Variants in CBX6 observed in about 807,000 individuals in gnomAD.
CBX6 encodes the protein chromobox 6, also known as chromobox protein homolog 6.
Under a neutral mutation model 28.4 loss-of-function variants are expected in CBX6, and 7 were observed. The ratio of observed to expected loss-of-function variants is 0.25; its 90% CI spans 0.14 to 0.46. The LOEUF is 0.46. Ranked by LOEUF, CBX6 falls within the 20% of genes least tolerant of loss-of-function variation. CBX6 has a pLI of 0.99. For synonymous variants in CBX6, 297 were observed against 273.4 expected (o/e 1.09, Z -0.85); for missense variants, 512 against 606.1 (o/e 0.84, Z 1.63).
chr22:38,866,308 G>T lies in CBX6; in HGVS notation c.1140C>A (p.Val380=), dbSNP rs1181284431. The part of the protein sequence containing the change: ...VTDVTSNLLT[V]TIKEFCNPED... ...CAGGGTTGCAGAATTCCTTGATTGTGACCGTCAGGAGGTTGCTGGTGACAT... is the reference window on the plus strand; with the variant it reads ...CAGGGTTGCAGAATTCCTTGATTGTTACCGTCAGGAGGTTGCTGGTGACAT... The change falls in exon 5 of 5, where the codon GTC becomes GTA. Residue 380 remains valine (V), a synonymous_variant. Transcript: ENST00000407418. This position sits in a 1 kb window ranked among gnomAD's most constrained non-coding sequence, Gnocchi z 7.5. 2.5e-6 allele frequency: 4 copies of T among 1,613,902 alleles called. No homozygotes were observed. The highest frequency in any genetic ancestry group is 8.5e-7 in the Non-Finnish European group (1 of 1,180,000).
At position 38,867,226 on chromosome 22, in the gene CBX6, G is replaced by GT; in HGVS notation, c.247-26_247-25insA. ...CCTGCGGGCAGAGGGAGGGGTGGGT[G>GT]GGACCTCAGGACTGCCCGCTGACCT... On this transcript the variant is annotated intron_variant, in intron 4 of 4. Transcript: ENST00000407418. 4.0e-6 allele frequency: 6 copies of GT among 1,504,554 alleles called. No homozygotes were observed. The East Asian group carries it at 9.9e-5, about 25-fold the overall frequency. The allele number at this position is 1,504,554 out of a possible 1,614,324, so 93.2% of individuals were successfully genotyped here. A position where few individuals can be genotyped will look rare whatever the true frequency, so the allele number is the denominator to read the frequency against.
In CBX6 at chr22:38,872,043, C is replaced by A. The variant is rs1426451155; in HGVS notation, c.69+79G>T. On this transcript the variant is annotated intron_variant, in intron 1 of 4. Transcript: ENST00000407418. This position sits in a 1 kb window ranked among gnomAD's most constrained non-coding sequence, Gnocchi z 5.0. ...GGGCTGGGCGAGGGAGCCGGGCTAGCGGGACCGCTTCGCCCCGAGGGCCCC... is the reference window on the plus strand; with the variant it reads ...GGGCTGGGCGAGGGAGCCGGGCTAGAGGGACCGCTTCGCCCCGAGGGCCCC... 1.2e-4 allele frequency: 160 copies of A among 1,337,592 alleles called. No homozygotes were observed. The highest frequency in any genetic ancestry group is 1.9e-4 in the Admixed American group (5 of 26,320). 82.9% of individuals were successfully genotyped at this position (1,337,592 alleles called of 1,614,324 possible).
Position 38,866,685 on chromosome 22 carries a change from GGGCTGA to G in CBX6, c.757_762del (p.Ser253_Ala254del). 6.4e-7 allele frequency: 1 copy of G among 1,557,042 alleles called. No individual in the cohort carries two copies. The highest frequency in any genetic ancestry group is 8.7e-7 in the Non-Finnish European group (1 of 1,154,200). ...GCGGCCAGAAGTAGCCCAGGGCCCG[GGGCTGA>G]GGCCTCAGCCTTGCCGGGGGACGGG... On this transcript the variant is annotated inframe_deletion, in exon 5 of 5. Coordinates refer to ENST00000407418, the MANE Select transcript of CBX6 (RefSeq NM_014292.5). The surrounding 1 kb of genome is among the most constrained non-coding windows in gnomAD (Gnocchi z 7.5).
Position 38,872,145 on chromosome 22 carries a change from T to C in CBX6, c.46A>G (p.Ile16Val). The C allele has an allele frequency of 7.0e-7, 1 of 1,427,116 alleles. No homozygotes were observed. The highest frequency in any genetic ancestry group is 1.5e-5 in the African/African-American group (1 of 66,370). The allele number at this position is 1,427,116 out of a possible 1,614,324, so 88.4% of individuals were successfully genotyped here. A position where few individuals can be genotyped will look rare whatever the true frequency, so the allele number is the denominator to read the frequency against. ...VGERVFAAESIIKRRIRKGRI... is the reference protein window; with the variant it reads ...VGERVFAAESVIKRRIRKGRI... ...ACCTTTCGGATCCGCCGTTTGATGATGGATTCGGCCGCGAAGACCCGCTCG... is the reference window on the plus strand; with the variant it reads ...ACCTTTCGGATCCGCCGTTTGATGACGGATTCGGCCGCGAAGACCCGCTCG... Residue 16 changes from isoleucine to valine, a missense_variant, in exon 1 of 5, where the codon ATC becomes GTC. Around this residue, in one of 7 missense-constraint regions of CBX6, gnomAD observed 27 missense variants for 30.9 expected, o/e 0.87. Transcript: ENST00000407418. The surrounding 1 kb of genome is among the most constrained non-coding windows in gnomAD (Gnocchi z 5.0).
intron 4 of CBX6, among the ~76,000 whole-genome samples, chr22:38,867,425 C>T (rs1392084371): frequency 6.6e-6 from 1 of 152,216 alleles, no homozygotes; most frequent in Non-Finnish European, 1.5e-5. Context: ...CACCCTTGTC[C>T]AGGCCCAATT....
rs1192951374 is a variant in CBX6, at chr22:38,872,015, G to A, written c.70-70C>T. ...TGCGGGGACGCGAGGAGGCGGCGGC[G>A]CGGGGCTGGGCGAGGGAGCCGGGCT... On this transcript the variant is annotated intron_variant, in intron 1 of 4. Coordinates refer to ENST00000407418, the MANE Select transcript of CBX6 (RefSeq NM_014292.5). The surrounding 1 kb of genome is among the most constrained non-coding windows in gnomAD (Gnocchi z 5.0). 1.4e-5 allele frequency: 19 copies of A among 1,396,174 alleles called. No individual in the cohort carries two copies. Among genetic ancestry groups the A allele is most frequent in the Non-Finnish European group, 1.8e-5 (19 of 1,059,414 alleles). 86.5% of individuals were successfully genotyped at this position (1,396,174 alleles called of 1,614,324 possible). A position where few individuals can be genotyped will look rare whatever the true frequency, so the allele number is the denominator to read the frequency against.
At position 38,871,994 on chromosome 22, in the gene CBX6, G is replaced by A. The variant is rs1439284532; in HGVS notation, c.70-49C>T. The A allele has an allele frequency of 6.9e-7, 1 of 1,443,294 alleles. No homozygotes were observed. The highest frequency in any genetic ancestry group is 9.2e-7 in the Non-Finnish European group (1 of 1,086,672). The allele number at this position is 1,443,294 out of a possible 1,614,324, so 89.4% of individuals were successfully genotyped here. ...CGGGGGTGGGGGTGGGGAGGATGCGGGGACGCGAGGAGGCGGCGGCGCGGG... is the reference window on the plus strand; with the variant it reads ...CGGGGGTGGGGGTGGGGAGGATGCGAGGACGCGAGGAGGCGGCGGCGCGGG... On this transcript the variant is annotated intron_variant, in intron 1 of 4. Coordinates refer to ENST00000407418, the MANE Select transcript of CBX6 (RefSeq NM_014292.5). This position sits in a 1 kb window ranked among gnomAD's most constrained non-coding sequence, Gnocchi z 5.6.
Position 38,871,600 on chromosome 22 carries a change from C to G in CBX6, c.180-54G>C. 1 of 1,611,866 alleles carries G rather than the reference C, an allele frequency of 6.2e-7. No individual in the cohort carries two copies. Among genetic ancestry groups the G allele is most frequent in the Non-Finnish European group, 8.5e-7 (1 of 1,178,368 alleles). On this transcript the variant is annotated intron_variant, in intron 3 of 4. Coordinates refer to ENST00000407418, the MANE Select transcript of CBX6 (RefSeq NM_014292.5). The surrounding 1 kb of genome is among the most constrained non-coding windows in gnomAD (Gnocchi z 5.6). ...AAGAGCCCCTTCCCGGGCCCCACTC[C>G]GCGCTGCCCTCCCCGGCTCTCCCGC...
chr22:38,866,384 G>C lies in CBX6; in HGVS notation c.1064C>G (p.Ala355Gly). ...TGACATCTCGGGGCGCCAGTCCCCA[G>C]CCTCGGGCTCGGAGGAGGCACCGGC... ...EPAGASSEPE[A>G]GDWRPEMSPC... The change falls in exon 5 of 5, where the codon GCT becomes GGT. Residue 355 changes from alanine to glycine, a missense_variant. By Grantham distance (60) the Ala-to-Gly change is moderately conservative. Transcript: ENST00000407418. The surrounding 1 kb of genome is among the most constrained non-coding windows in gnomAD (Gnocchi z 7.5). 2.5e-6 allele frequency: 4 copies of C among 1,613,506 alleles called. No individual in the cohort carries two copies. The highest frequency in any genetic ancestry group is 3.4e-6 in the Non-Finnish European group (4 of 1,179,936).
In CBX6 at chr22:38,870,446, C is replaced by A. The variant is rs7292074; in HGVS notation, c.246+1034G>T. The A allele has an allele frequency of 0.16, 24,856 of 152,310 alleles. 2,803 individuals are homozygous for A. The highest frequency in any genetic ancestry group is 0.58 in the East Asian group (2,982 of 5,166). 9.4% of individuals were successfully genotyped at this position (152,310 alleles called of 1,614,324 possible). A position where few individuals can be genotyped will look rare whatever the true frequency, so the allele number is the denominator to read the frequency against. ...CACTGAGAGGCTGTCACACAGCCCA[C>A]CAGCCTTCCAGCTGCTCCGCCCATC... is the stretch of plus-strand genomic sequence containing the variant. On this transcript the variant is annotated intron_variant, in intron 4 of 4. Transcript: ENST00000407418. This position sits in a 1 kb window ranked among gnomAD's most constrained non-coding sequence, Gnocchi z 4.3.
chr22:38,869,398 C>T (rs1199095956), intron 4 of CBX6, among the ~76,000 whole-genome samples: 2 of 152,126 alleles, frequency 1.3e-5, no homozygotes, highest in Non-Finnish European at 2.9e-5. Context: ...ACGGGCACTC[C>T]TATGATGATC....
In CBX6 at chr22:38,866,987, G is replaced by C; in HGVS notation, c.461C>G (p.Ser154Trp). The change falls in exon 5 of 5, where the codon TCG becomes TGG. Residue 154 changes from serine to tryptophan, a missense_variant. Ser to Trp is a radical substitution (Grantham distance 177). Coordinates refer to ENST00000407418, the MANE Select transcript of CBX6 (RefSeq NM_014292.5). The surrounding 1 kb of genome is among the most constrained non-coding windows in gnomAD (Gnocchi z 7.5). ...PGLRPPISPF[S>W]ETVRIINRKV... ...GCGGTTGATGATGCGCACCGTCTCC[G>C]AGAAGGGCGAAATGGGCGGGCGCAG... 1 of 1,608,526 alleles carries C rather than the reference G, an allele frequency of 6.2e-7. No homozygotes were observed. The highest frequency in any genetic ancestry group is 8.5e-7 in the Non-Finnish European group (1 of 1,178,408).
At chr22:38,869,853 G>A (rs1336869600) in intron 4 of CBX6, 1 of 152,130 alleles carries the variant, frequency 6.6e-6, no homozygotes, top group Non-Finnish European at 1.5e-5. Flanking sequence ...TATCTCATGG[G>A]CTCCTGTTTG....
rs1253353718 is a variant in CBX6, at chr22:38,861,564, A to C, written c.*4645T>G. On this transcript the variant is annotated 3_prime_UTR_variant, in exon 5 of 5. Coordinates refer to ENST00000407418, the MANE Select transcript of CBX6 (RefSeq NM_014292.5). ...TTGAAGAGCAGCAGAACAAACGTAC[A>C]AGACAGAGTAATCGGCACAGACCCA... The C allele has an allele frequency of 6.6e-6, 1 of 152,210 alleles. No homozygotes were observed. Among genetic ancestry groups the C allele is most frequent in the Non-Finnish European group, 1.5e-5 (1 of 68,038 alleles). 9.4% of individuals were successfully genotyped at this position (152,210 alleles called of 1,614,324 possible).
In CBX6 at chr22:38,866,107, A is replaced by T; in HGVS notation, c.*102T>A. On this transcript the variant is annotated 3_prime_UTR_variant, in exon 5 of 5. Transcript: ENST00000407418. The surrounding 1 kb of genome is among the most constrained non-coding windows in gnomAD (Gnocchi z 7.5). ...CAACACCGAGCCATTTGAGACAAGC[A>T]AAGCACAGGGAGAGAGGGCTGGGGG... 1.1e-6 allele frequency: 1 copy of T among 907,776 alleles called. No homozygotes were observed. The highest frequency in any genetic ancestry group is 1.6e-6 in the Non-Finnish European group (1 of 608,836). The allele number at this position is 907,776 out of a possible 1,614,324, so 56.2% of individuals were successfully genotyped here. A position where few individuals can be genotyped will look rare whatever the true frequency, so the allele number is the denominator to read the frequency against.
rs1336884946 is a variant in CBX6 at position 38,866,477 on chromosome 22, G to T, written c.971C>A (p.Thr324Asn). 1.9e-6 allele frequency: 3 copies of T among 1,600,674 alleles called. No individual in the cohort carries two copies. The highest frequency in any genetic ancestry group is 2.5e-6 in the Non-Finnish European group (3 of 1,177,192). ...DLSLPPESAA[T>N]SKRAPPEVTA... ...GACCTCAGGCGGTGCCCGCTTGCTGGTGGCTGCCGACTCGGGAGGGAGGGA... is the reference window on the plus strand; with the variant it reads ...GACCTCAGGCGGTGCCCGCTTGCTGTTGGCTGCCGACTCGGGAGGGAGGGA... The change falls in exon 5 of 5, where the codon ACC becomes AAC. Residue 324 changes from threonine (T) to asparagine (N), a missense_variant. Thr to Asn is a moderately conservative substitution (Grantham distance 65). Transcript: ENST00000407418. The surrounding 1 kb of genome is among the most constrained non-coding windows in gnomAD (Gnocchi z 7.5).
rs1385380028 is a variant in CBX6 at position 38,861,927 on chromosome 22, T to C, written c.*4282A>G. The C allele has an allele frequency of 6.6e-6, 1 of 152,266 alleles. No individual in the cohort carries two copies. Among genetic ancestry groups the C allele is most frequent in the Non-Finnish European group, 1.5e-5 (1 of 68,048 alleles). The allele number at this position is 152,266 out of a possible 1,614,324, so 9.4% of individuals were successfully genotyped here. ...TAGAATTCATTCGTGCACAATTCAT[T>C]AAATGAACGTCTCAAAAATTAAAAA... On this transcript the variant is annotated 3_prime_UTR_variant, in exon 5 of 5. Transcript: ENST00000407418.
rs1247992578 is a variant in CBX6 at position 38,864,851 on chromosome 22, C to A, written c.*1358G>T. 1 of 152,410 alleles carries A rather than the reference C, an allele frequency of 6.6e-6. No homozygotes were observed. The highest frequency in any genetic ancestry group is 1.5e-5 in the Non-Finnish European group (1 of 68,192). The allele number at this position is 152,410 out of a possible 1,614,324, so 9.4% of individuals were successfully genotyped here. A position where few individuals can be genotyped will look rare whatever the true frequency, so the allele number is the denominator to read the frequency against. ...CCCGGTCCCAATTCTGGGACCAACA[C>A]CCTCATTCTCCTGGAGAACACAGAC... On this transcript the variant is annotated 3_prime_UTR_variant, in exon 5 of 5. Coordinates refer to ENST00000407418, the MANE Select transcript of CBX6 (RefSeq NM_014292.5).
chr22:38,867,310 A>AT, intron 4 of CBX6, 109 bp from the exon 5 acceptor site: 1 of 911,994 alleles, frequency 1.1e-6, no homozygotes, highest in African/African-American at 1.7e-5. Flanking sequence ...AGCGATCCCG[A>AT]GATCATTTAA....
Sources: gnomAD v4.1 joint callset for allele counts (sites outside exome capture counted in the v4.1 genomes callset) on GRCh38, gnomAD v4.1.1 for gene constraint, gnomAD v4.1.1 regional missense constraint, Gnocchi (gnomAD v3.1) non-coding constraint, MANE v1.5 for transcripts, NCBI Gene and HGNC (gene_info 2026-07-23, HGNC 2026-07-21) for gene names.